Variants in DGKB observed in about 807,000 individuals in gnomAD.
DGKB encodes diacylglycerol kinase beta, also known as 90 kDa diacylglycerol kinase.
A neutral mutation model predicts 114.3 loss-of-function variants in DGKB; 67 were observed. The observed-to-expected ratio is 0.59, with a 90% CI of 0.48 to 0.72. DGKB has a LOEUF of 0.72. Among genes scored for constraint, DGKB ranks in the 30% least tolerant of loss-of-function variants. The pLI, the probability that DGKB is intolerant of heterozygous loss-of-function variation, is 0.00. For synonymous variants in DGKB, 398 were observed against 323.1 expected, an observed-to-expected ratio of 1.23 and a Z score of -2.49; for missense variants, 907 against 975.2, an observed-to-expected ratio of 0.93 and a Z score of 0.93.
At chr7:14,825,425 A>T (rs1054051426) in intron 2 of DGKB, among the ~76,000 whole-genome samples, 1 of 152,156 alleles carries the variant, frequency 6.6e-6, no homozygotes, top group Non-Finnish European at 1.5e-5. Flanking sequence ...CTGCAACTGG[A>T]TGGTCCCATT....
chr7:14,644,285 A>G (rs936400197), intron 13 of DGKB, among the ~76,000 whole-genome samples: 14 of 152,244 alleles, frequency 9.2e-5, no homozygotes, highest in Admixed American at 3.3e-4. Flanking sequence ...AGAGATGTAG[A>G]TATCAGTGTA....
intron 21 of DGKB, among the ~76,000 whole-genome samples, chr7:14,435,555 C>T (rs196753): frequency 0.81 from 123,285 of 152,018 alleles, 50,942 homozygotes; most frequent in Non-Finnish European, 0.91. Context: ...TAATAAACTT[C>T]AAATAAATGT....
chr7:14,958,293 C>T (rs1157437681), intron 1 of DGKB, among the ~76,000 whole-genome samples: 1 of 151,868 alleles, frequency 6.6e-6, no homozygotes, highest in Admixed American at 6.6e-5. Context: ...AGGGCTCATC[C>T]CTTGAGGGAA....
At chr7:14,386,468 C>T (rs1011137421) in intron 21 of DGKB, among the ~76,000 whole-genome samples, 1 of 152,128 alleles carries the variant, frequency 6.6e-6, no homozygotes, top group African/African-American at 2.4e-5. Context: ...TGTATAACTC[C>T]CTTCTAATTA....
rs114194031 is a variant in DGKB, at chr7:14,583,184, A to T, written c.1434-47T>A. On this transcript the variant is annotated intron_variant, in intron 17 of 25. Coordinates refer to ENST00000402815, the MANE Select transcript of DGKB (RefSeq NM_001350709.2). ...GCACATGATTAATAGTTTAAAAATA[A>T]GATGTTTTCAGTTTTGTATCATTAA... The T allele has an allele frequency of 2.6e-4, 306 of 1,190,276 alleles. 2 individuals carry two copies. In the African/African-American group the frequency reaches 4.3e-3, roughly 17 times the overall value. The allele number at this position is 1,190,276 out of a possible 1,614,324, so 73.7% of individuals were successfully genotyped here. A position where few individuals can be genotyped will look rare whatever the true frequency, so the allele number is the denominator to read the frequency against.
chr7:14,523,889 A>T (rs1413241511), intron 20 of DGKB, among the ~76,000 whole-genome samples: 2 of 152,116 alleles, frequency 1.3e-5, no homozygotes, highest in South Asian at 2.1e-4. Flanking sequence ...AACCCTAGTC[A>T]TCTTATTGAG....
intron 20 of DGKB, among the ~76,000 whole-genome samples, chr7:14,510,351 G>T (rs12699623): frequency 0.36 from 55,016 of 151,926 alleles, 10,390 homozygotes; most frequent in Admixed American, 0.46. Flanking sequence ...TCCTTTGTTG[G>T]CATTTCAACA....
At chr7:14,422,731 G>T (rs980947665) in intron 21 of DGKB, among the ~76,000 whole-genome samples, 3 of 151,856 alleles carry the variant, frequency 2.0e-5, no homozygotes, top group Non-Finnish European at 4.4e-5. Context: ...GCATGAGACT[G>T]GTTCATTAAC....
chr7:14,885,962 GAAGGATCTACTGAATTATTTTGAGCAA>G (rs1235132857), intron 1 of DGKB, among the ~76,000 whole-genome samples: 1 of 151,768 alleles, frequency 6.6e-6, no homozygotes, highest in Non-Finnish European at 1.5e-5. Flanking sequence ...AAAAATAAAG[GAAGGATCTACTGAATTATTTTGAGCAA>G]GAACATGGGA....
chr7:14,542,356 A>G (rs1173464610), intron 20 of DGKB, among the ~76,000 whole-genome samples: 4 of 151,954 alleles, frequency 2.6e-5, no homozygotes, highest in Admixed American at 2.6e-4. Context: ...TCTCCTCTGC[A>G]TCTACTTATC....
chr7:14,926,474 G>T (rs1784758694), intron 1 of DGKB, among the ~76,000 whole-genome samples: 1 of 149,730 alleles, frequency 6.7e-6, no homozygotes. Flanking sequence ...TTTTCTCATT[G>T]CTTTGCATTA....
rs1163094768 is a variant in DGKB at position 14,714,095 on chromosome 7, ACACACACAC to A, written c.466+4438_466+4446del. Reference sequence around the variant, plus strand: ...TGTTGAAACACACACACACACACACACACACACACACACACTGATGTAGGTGCAAGGGTA... The same window carrying A: ...TGTTGAAACACACACACACACACACAACACACTGATGTAGGTGCAAGGGTA... On this transcript the variant is annotated intron_variant, in intron 6 of 25. Transcript: ENST00000402815. 3.3e-5 allele frequency among the ~76,000 whole-genome samples: 5 copies of A among 151,824 alleles called. No individual in the cohort carries two copies. In the Middle Eastern group the frequency reaches 0.01, roughly 310 times the overall value.
intron 14 of DGKB, among the ~76,000 whole-genome samples, chr7:14,623,240 T>C (rs1413634658): frequency 6.6e-6 from 1 of 152,204 alleles, no homozygotes; most frequent in Non-Finnish European, 1.5e-5. Flanking sequence ...ATGCCATGGG[T>C]GCTTAAGTGC....
chr7:14,164,889 A>G (rs116082590), intron 25 of DGKB, among the ~76,000 whole-genome samples: 83 of 152,248 alleles, frequency 5.5e-4, no homozygotes, highest in African/African-American at 2.0e-3. Flanking sequence ...ATATCACTAA[A>G]TGTGATATAT....
chr7:14,843,977 A>G (rs1848301256), intron 1 of DGKB, among the ~76,000 whole-genome samples: 1 of 152,206 alleles, frequency 6.6e-6, no homozygotes, highest in Admixed American at 6.5e-5. Context: ...CAAATAGAGA[A>G]AGTGACACTG....
In DGKB at chr7:14,696,551, A is replaced by G. The variant is rs546067833; in HGVS notation, c.591+1544T>C. Among the ~76,000 whole-genome samples the G allele has an allele frequency of 2.3e-3, 348 of 151,586 alleles. 1 individual carries two copies. Among genetic ancestry groups the G allele is most frequent in the African/African-American group, 7.4e-3 (306 of 41,356 alleles). ...AAAAAAAAGAAACCTGAATGGAAAA[A>G]CAAATCCCCCTCCCACTCTCCATCT... On this transcript the variant is annotated intron_variant, in intron 8 of 25. Transcript: ENST00000402815.
intron 1 of DGKB, among the ~76,000 whole-genome samples, chr7:14,919,934 G>A (rs150542146): frequency 5.0e-4 from 76 of 152,240 alleles, no homozygotes; most frequent in African/African-American, 1.8e-3. Flanking sequence ...AGAAGTAGAT[G>A]CCAGCACTAT....
At chr7:14,937,030 AC>A (rs1785306360) in intron 1 of DGKB, among the ~76,000 whole-genome samples, 1 of 70,714 alleles carries the variant, frequency 1.4e-5, no homozygotes, top group Non-Finnish European at 3.1e-5. Context: ...TTCACTACAC[AC>A]ACACACACAC....
At chr7:14,729,894 G>T (rs1162137266) in intron 5 of DGKB, among the ~76,000 whole-genome samples, 1 of 152,112 alleles carries the variant, frequency 6.6e-6, no homozygotes, top group Non-Finnish European at 1.5e-5. Flanking sequence ...ATGAATTAAT[G>T]AATGAATAAA....
Sources: allele counts gnomAD v4.1 joint callset (sites outside exome capture counted in the v4.1 genomes callset), GRCh38; gene constraint gnomAD v4.1.1; transcripts MANE v1.5; gene names NCBI Gene and HGNC (gene_info 2026-07-23, HGNC 2026-07-21).